ACBD6: variants seen among roughly 807,000 people sequenced by gnomAD.
The protein encoded by ACBD6 is acyl-CoA binding domain containing 6.
ACBD6 carries 28 observed loss-of-function variants against 37.2 expected under a neutral mutation model. The ratio of observed to expected loss-of-function variants is 0.75; its 90% CI spans 0.56 to 1.03. The LOEUF is 1.03. Among genes scored for constraint, ACBD6 ranks in the 50% least tolerant of loss-of-function variants. The pLI is 0.00. For missense variants in ACBD6, 340 were observed against 337.4 expected (o/e 1.01, Z -0.06); for synonymous variants, 113 against 126.8 (o/e 0.89, Z 0.73).
intron 7 of ACBD6, among the ~76,000 whole-genome samples, chr1:180,291,757 CTT>C (rs1239299067): frequency 1.3e-5 from 2 of 151,890 alleles, no homozygotes; most frequent in Non-Finnish European, 2.9e-5. Flanking sequence ...CTAAAAAAAA[CTT>C]TGCCTACACC....
intron 3 of ACBD6, among the ~76,000 whole-genome samples, chr1:180,456,489 T>G (rs1393202008): frequency 6.6e-6 from 1 of 152,084 alleles, no homozygotes; most frequent in East Asian, 1.9e-4. Flanking sequence ...AGAGGATCCA[T>G]AGCAAACTTC....
chr1:180,419,035 A>G (rs1278510292), intron 4 of ACBD6, among the ~76,000 whole-genome samples: 1 of 152,194 alleles, frequency 6.6e-6, no homozygotes, highest in African/African-American at 2.4e-5. Context: ...GTGGATCACG[A>G]GGTCAGGAGA....
chr1:180,287,774 C>T (rs1649551845), downstream of ACBD6, among the ~76,000 whole-genome samples: 2 of 151,968 alleles, frequency 1.3e-5, no homozygotes, highest in Admixed American at 6.6e-5. Flanking sequence ...TTCTAAAATG[C>T]CCCAGGGTTT....
chr1:180,377,730 C>G (rs942877565), intron 6 of ACBD6, among the ~76,000 whole-genome samples: 19 of 152,082 alleles, frequency 1.2e-4, no homozygotes, highest in African/African-American at 4.3e-4. Flanking sequence ...GGTGGATCAC[C>G]TGAGGTCGGG....
At chr1:180,333,311 T>C (rs1322479732) in intron 6 of ACBD6, among the ~76,000 whole-genome samples, 1 of 152,126 alleles carries the variant, frequency 6.6e-6, no homozygotes, top group Non-Finnish European at 1.5e-5. Context: ...AAATAGAAAA[T>C]AATTGGATAT....
chr1:180,277,817 G>C (rs934215902), intron 9 of ACBD6: 4 of 151,522 alleles, frequency 2.6e-5, no homozygotes, highest in African/African-American at 9.7e-5. Context: ...TGAAACATCA[G>C]GGAAAGAGGA....
At chr1:180,287,802 C>T (rs561429091), downstream of ACBD6, among the ~76,000 whole-genome samples, 30 of 152,186 alleles carry the variant, frequency 2.0e-4, no homozygotes, top group African/African-American at 6.5e-4. Flanking sequence ...TTCAGTAAAT[C>T]TAGTTGTTCT....
intron 6 of ACBD6, among the ~76,000 whole-genome samples, chr1:180,350,769 T>A (rs1045170388): frequency 6.6e-6 from 1 of 152,222 alleles, no homozygotes; most frequent in East Asian, 1.9e-4. Flanking sequence ...TCCCTAGTAA[T>A]CTCTCCCTTT....
intron 6 of ACBD6, among the ~76,000 whole-genome samples, chr1:180,389,816 G>A (rs1218787508): frequency 6.6e-6 from 1 of 152,166 alleles, no homozygotes; most frequent in East Asian, 1.9e-4. Context: ...AGAAGTGTCT[G>A]TTCATGTCCT....
intron 6 of ACBD6, among the ~76,000 whole-genome samples, chr1:180,347,967 G>GATTCT (rs1405281182): frequency 3.3e-5 from 5 of 151,694 alleles, no homozygotes; most frequent in Non-Finnish European, 1.5e-5. Flanking sequence ...AAAAAAAAGA[G>GATTCT]ATTCTAAGCA....
intron 3 of ACBD6, among the ~76,000 whole-genome samples, chr1:180,458,984 G>A (rs1419612916): frequency 6.6e-6 from 1 of 152,022 alleles, no homozygotes; most frequent in Non-Finnish European, 1.5e-5. Flanking sequence ...GGTTTTATTA[G>A]AAAGTTTTAT....
chr1:180,466,234 G>T (rs1320211438), intron 3 of ACBD6, among the ~76,000 whole-genome samples: 1 of 152,068 alleles, frequency 6.6e-6, no homozygotes, highest in Non-Finnish European at 1.5e-5. Flanking sequence ...AATTTAGTAA[G>T]CTTTGACTCA....
At chr1:180,457,002 A>G (rs1649951305) in intron 3 of ACBD6, among the ~76,000 whole-genome samples, 1 of 152,212 alleles carries the variant, frequency 6.6e-6, no homozygotes, top group African/African-American at 2.4e-5. Context: ...TATATTGACT[A>G]AAAAGCCTTG....
At chr1:180,392,311 T>A (rs1044691798) in intron 6 of ACBD6, among the ~76,000 whole-genome samples, 6 of 151,962 alleles carry the variant, frequency 3.9e-5, no homozygotes, top group Admixed American at 3.9e-4. Flanking sequence ...CTGTGCTGTA[T>A]CCTTAAGATT....
chr1:180,464,453 T>C (rs56125127), intron 3 of ACBD6, among the ~76,000 whole-genome samples: 235 of 151,690 alleles, frequency 1.5e-3, no homozygotes, highest in African/African-American at 5.4e-3. Flanking sequence ...CACAAAAAAA[T>C]AAACAAAGTA....
intron 6 of ACBD6, among the ~76,000 whole-genome samples, chr1:180,339,035 G>C (rs1651861487): frequency 1.3e-5 from 2 of 152,144 alleles, no homozygotes; most frequent in East Asian, 3.8e-4. Context: ...GAAACAACAG[G>C]TGCTAGAGAG....
At chr1:180,373,880 G>T (rs916379880) in intron 6 of ACBD6, among the ~76,000 whole-genome samples, 7 of 152,026 alleles carry the variant, frequency 4.6e-5, no homozygotes, top group Non-Finnish European at 7.4e-5. Flanking sequence ...TGATATTTTT[G>T]ATGTAGTAAA....
At chr1:180,282,983 T>G (rs1006090094) in intron 8 of ACBD6, among the ~76,000 whole-genome samples, 2 of 149,012 alleles carry the variant, frequency 1.3e-5, no homozygotes, top group Non-Finnish European at 3.0e-5. Flanking sequence ...TTTTTTTTTT[T>G]TTTTTTTTTT....
chr1:180,310,800 G>T (rs1388523011), intron 7 of ACBD6, among the ~76,000 whole-genome samples: 1 of 152,146 alleles, frequency 6.6e-6, no homozygotes, highest in East Asian at 1.9e-4. Flanking sequence ...GAGAATTCTT[G>T]TTGTTCTACA....
Sources: allele counts gnomAD v4.1 joint callset (sites outside exome capture counted in the v4.1 genomes callset), GRCh38; gene constraint gnomAD v4.1.1; transcripts MANE v1.5; gene names NCBI Gene and HGNC (gene_info 2026-07-23, HGNC 2026-07-21).